TOP2B: variants seen among roughly 807,000 people sequenced by gnomAD.
TOP2B encodes the protein DNA topoisomerase 2-beta.
TOP2B carries 51 observed loss-of-function variants against 193.5 expected under a neutral mutation model. That is an observed-to-expected ratio of 0.26 (90% CI 0.21 to 0.33). The LOEUF (loss-of-function observed/expected upper bound fraction) is 0.33. TOP2B is among the 10% of genes least tolerant of loss of function. TOP2B has a pLI of 1.00. For missense variants in TOP2B, 1,378 were observed against 1,909.3 expected (o/e 0.72, Z 5.19); for synonymous variants, 634 against 635.7 (o/e 1.00, Z 0.04).
Position 25,607,217 on chromosome 3 carries a change from T to C in TOP2B, c.4252A>G (p.Lys1418Glu), listed in dbSNP as rs768083848. 1.2e-6 allele frequency: 2 copies of C among 1,612,118 alleles called. No individual in the cohort carries two copies. The highest frequency in any genetic ancestry group is 3.3e-4 in the Middle Eastern group (2 of 6,052). The change falls in exon 31 of 36, where the codon AAA becomes GAA. Residue 1418 changes from lysine to glutamate, a missense_variant. Lys to Glu is a moderately conservative substitution (Grantham distance 56). Around this residue, in one of 9 missense-constraint regions of TOP2B, gnomAD observed 556 missense variants for 584.2 expected, o/e 0.95. Transcript: ENST00000264331. The stretch of plus-strand genomic sequence containing the variant: ...CCTGGTGAAAATGTATATTCATCTT[T>C]ATCTAACCCATCTGAAGGAACAAAT... ...DEFVPSDGLD[K>E]DEYTFSPGKS...
chr3:25,601,845 A>G (rs1220762180), intron 33 of TOP2B, among the ~76,000 whole-genome samples: 8 of 152,216 alleles, frequency 5.3e-5, no homozygotes, highest in African/African-American at 1.9e-4. Context: ...TTGATAAATT[A>G]ATTATAACCC....
At chr3:25,629,884 A>T in intron 13 of TOP2B, 145 bp downstream of exon 13, 1 of 841,126 alleles carries the variant, frequency 1.2e-6, no homozygotes, top group Non-Finnish European at 1.8e-6. Flanking sequence ...TGTTTCCACT[A>T]AATGACGTGG....
At chr3:25,628,251 G>A (rs1406615868) in intron 15 of TOP2B, among the ~76,000 whole-genome samples, 1 of 150,166 alleles carries the variant, frequency 6.7e-6, no homozygotes, top group African/African-American at 2.4e-5. Flanking sequence ...CAAGGTGGGT[G>A]GATGGCTTGA....
chr3:25,637,007 T>A (rs913916213), intron 6 of TOP2B, among the ~76,000 whole-genome samples: 7 of 151,934 alleles, frequency 4.6e-5, no homozygotes, highest in Admixed American at 4.6e-4. Flanking sequence ...AAGCACTTTG[T>A]TTGAAAGGAA....
chr3:25,599,762 C>G (rs915424554), intron 34 of TOP2B, among the ~76,000 whole-genome samples: 2 of 152,182 alleles, frequency 1.3e-5, no homozygotes, highest in Non-Finnish European at 2.9e-5. Context: ...GTCCCAAAGA[C>G]AAATTTTAAT....
chr3:25,628,885 A>C lies in TOP2B; in HGVS notation c.1868T>G (p.Ile623Arg). 1.3e-6 allele frequency: 2 copies of C among 1,595,338 alleles called. No individual in the cohort carries two copies. Among genetic ancestry groups the C allele is most frequent in the African/African-American group, 1.4e-5 (1 of 73,774 alleles). Residue 623 changes from isoleucine to arginine, a missense_variant, in exon 15 of 36, where the codon ATA becomes AGA. Around this residue, in one of 9 missense-constraint regions of TOP2B, gnomAD observed 379 missense variants for 615.1 expected, o/e 0.62. Coordinates refer to ENST00000264331, the MANE Select transcript of TOP2B (RefSeq NM_001330700.2). ...IPEFDEWKKH[I>R]ENQKAWKIKY... ...TATTTTCCAGGCTTTCTGGTTTTCT[A>C]TATGTTTTTTCCATTCGTCAAATTC...
intron 9 of TOP2B, 40 bp from the exon 10 acceptor site, chr3:25,632,623 A>G (rs368085054): frequency 1.1e-5 from 17 of 1,603,546 alleles, no homozygotes; most frequent in East Asian, 8.9e-5. Flanking sequence ...ATCAGAGCTG[A>G]TATTTAGTAA....
At chr3:25,641,851 T>A (rs1703273462) in intron 4 of TOP2B, among the ~76,000 whole-genome samples, 1 of 152,154 alleles carries the variant, frequency 6.6e-6, no homozygotes, top group African/African-American at 2.4e-5. Context: ...TTTTTATACA[T>A]CTTCATTCTA....
chr3:25,649,016 A>T (rs1243328763), intron 1 of TOP2B, among the ~76,000 whole-genome samples: 1 of 152,280 alleles, frequency 6.6e-6, no homozygotes, highest in Non-Finnish European at 1.5e-5. Context: ...GCATAAACAA[A>T]AGGAAAAAAT....
chr3:25,624,178 C>A (rs1415881558), intron 20 of TOP2B, 119 bp downstream of exon 20: 4 of 1,229,692 alleles, frequency 3.3e-6, no homozygotes, highest in Non-Finnish European at 4.6e-6. Context: ...GGAACATTCA[C>A]CTTCTAAGTA....
intron 15 of TOP2B, among the ~76,000 whole-genome samples, chr3:25,627,593 A>C: frequency 6.6e-6 from 1 of 152,232 alleles, no homozygotes; most frequent in South Asian, 2.1e-4. Context: ...TATATATTAA[A>C]TGTAACTAGA....
intron 33 of TOP2B, among the ~76,000 whole-genome samples, chr3:25,601,609 T>C (rs772064428): frequency 6.6e-6 from 1 of 151,834 alleles, no homozygotes; most frequent in Non-Finnish European, 1.5e-5. Context: ...CAAAACTCTA[T>C]CTTCAAAAAA....
At chr3:25,661,431 A>G (rs557629861) in intron 1 of TOP2B, among the ~76,000 whole-genome samples, 6 of 152,318 alleles carry the variant, frequency 3.9e-5, no homozygotes, top group East Asian at 3.9e-4. Flanking sequence ...TATTGTTGGG[A>G]AAAAGATTAA....
chr3:25,631,484 G>C (rs1010139000), intron 10 of TOP2B, among the ~76,000 whole-genome samples: 1 of 152,044 alleles, frequency 6.6e-6, no homozygotes, highest in African/African-American at 2.4e-5. Flanking sequence ...TCTGTGGCAA[G>C]ATGTTAACCC....
intron 34 of TOP2B, among the ~76,000 whole-genome samples, chr3:25,600,312 C>A (rs1034707792): frequency 2.6e-5 from 4 of 152,250 alleles, no homozygotes; most frequent in East Asian, 1.9e-4. Flanking sequence ...TGGACAAGTA[C>A]GAAGATAGAC....
At chr3:25,614,885 A>G (rs1575566488) in intron 27 of TOP2B, among the ~76,000 whole-genome samples, 1 of 152,030 alleles carries the variant, frequency 6.6e-6, no homozygotes, top group Admixed American at 6.6e-5. Context: ...CTTACATTCA[A>G]TTATACACAC....
chr3:25,609,619 A>T lies in TOP2B; in HGVS notation c.3880T>A (p.Ser1294Thr), dbSNP rs1382670607. 2.5e-6 allele frequency: 4 copies of T among 1,592,138 alleles called. No individual in the cohort carries two copies. The highest frequency in any genetic ancestry group is 2.6e-6 in the Non-Finnish European group (3 of 1,169,704). The change falls in exon 29 of 36, where the codon TCA (serine) becomes ACA (threonine). Residue 1294 changes from serine to threonine, a missense_variant. By Grantham distance (58) the Ser-to-Thr change is moderately conservative. Coordinates refer to ENST00000264331, the MANE Select transcript of TOP2B (RefSeq NM_001330700.2). ...TTGGGACCTTTATTTATAGGAACTG[A>T]TGGAGTCAATGCCTCTTCTCCTGCA... ...EGAGEEALTP[S>T]VPINKGPKPK...
rs902370455 is a variant in TOP2B at position 25,623,569 on chromosome 3, C to T, written c.2673G>A (p.Arg891=). The change falls in exon 21 of 36, where the codon AGG becomes AGA. Residue 891 remains arginine (R), a synonymous_variant. Coordinates refer to ENST00000264331, the MANE Select transcript of TOP2B (RefSeq NM_001330700.2). The stretch of plus-strand genomic sequence containing the variant: ...TTCGTCTGACATTGTTCACAATTTC[C>T]CTAGCATCATAGTTGGGTAGTTTAC... The part of the protein sequence containing the change: ...WACKLPNYDA[R]EIVNNVRRML... The T allele has an allele frequency of 6.2e-7, 1 of 1,613,716 alleles. No individual in the cohort carries two copies. Among genetic ancestry groups the T allele is most frequent in the African/African-American group, 1.3e-5 (1 of 74,878 alleles).
At chr3:25,630,215 T>C in intron 12 of TOP2B, 61 bp from the exon 13 acceptor site, 12 of 1,520,924 alleles carry the variant, frequency 7.9e-6, no homozygotes, top group Non-Finnish European at 1.1e-5. Flanking sequence ...GAGTCAGAAA[T>C]TACATTTAAA....
Sources: allele counts gnomAD v4.1 joint callset (sites outside exome capture counted in the v4.1 genomes callset), GRCh38; gene constraint gnomAD v4.1.1; regional missense constraint gnomAD v4.1.1; transcripts MANE v1.5; gene names NCBI Gene and HGNC (gene_info 2026-07-23, HGNC 2026-07-21).